The following MAEA variants were observed in gnomAD, a reference collection of about 807,000 sequenced individuals.
MAEA encodes macrophage erythroblast attacher, E3 ubiquitin ligase, also known as E3 ubiquitin-protein transferase MAEA.
MAEA carries 22 observed loss-of-function variants against 46.2 expected under a neutral mutation model. The observed-to-expected ratio is 0.48, with a 90% CI of 0.34 to 0.68. The LOEUF (loss-of-function observed/expected upper bound fraction) is 0.68. Among genes scored for constraint, MAEA ranks in the 30% least tolerant of loss-of-function variants. MAEA has a pLI of 0.01. For missense variants in MAEA, 393 were observed against 558.1 expected, an observed-to-expected ratio of 0.70 and a Z score of 2.98; for synonymous variants, 246 against 222.6, an observed-to-expected ratio of 1.11 and a Z score of -0.94.
At chr4:1,328,745 T>G (rs1015238483) in intron 5 of MAEA, 5 of 1,214,282 alleles carry the variant, frequency 4.1e-6, no homozygotes, top group Non-Finnish European at 5.3e-6. Context: ...GGCAAGTCCC[T>G]GCCCTTGCGT....
At chr4:1,302,880 C>T (rs73071929) in intron 1 of MAEA, among the ~76,000 whole-genome samples, 23,367 of 152,054 alleles carry the variant, frequency 0.15, 3,444 homozygotes, top group East Asian at 0.42. Flanking sequence ...AAATACAAAC[C>T]AAAACCACAG....
chr4:1,310,679 C>T (rs747970918), intron 1 of MAEA, among the ~76,000 whole-genome samples: 21 of 152,208 alleles, frequency 1.4e-4, no homozygotes, highest in Non-Finnish European at 2.2e-4. Context: ...TGGACGAGAG[C>T]GTGTGCACCC....
intron 7 of MAEA, 110 bp from the exon 8 acceptor site, chr4:1,338,312 C>T (rs1320870418): frequency 8.7e-6 from 7 of 805,174 alleles, no homozygotes; most frequent in East Asian, 2.5e-5. Flanking sequence ...GTCAGCATGG[C>T]GCCCACATAG....
At chr4:1,337,195 ACTCT>A in intron 7 of MAEA, 1 of 600,628 alleles carries the variant, frequency 1.7e-6, no homozygotes, top group Non-Finnish European at 2.9e-6. Flanking sequence ...TGCAGCCTTC[ACTCT>A]GGGAAGTGGC....
intron 4 of MAEA, chr4:1,323,499 G>A (rs867875358): frequency 5.7e-6 from 4 of 702,420 alleles, no homozygotes; most frequent in African/African-American, 1.7e-5. Context: ...ACTCAGGGCC[G>A]CCAAAACAAG....
Position 1,303,999 on chromosome 4 carries a change from T to A in MAEA, c.70-7980T>A, listed in dbSNP as rs571952914. 1.1e-4 allele frequency among the ~76,000 whole-genome samples: 17 copies of A among 150,158 alleles called. No individual in the cohort carries two copies. The East Asian group carries it at 3.4e-3, about 30-fold the overall frequency. On this transcript the variant is annotated intron_variant, in intron 1 of 8. Transcript: ENST00000303400. ...TGGTGTGTAGCTCTGCACACAGGAGTCGGGAGTTTTTAGTCCAGGTCCATA... is the reference window on the plus strand; with the variant it reads ...TGGTGTGTAGCTCTGCACACAGGAGACGGGAGTTTTTAGTCCAGGTCCATA...
chr4:1,329,296 T>G, intron 5 of MAEA: 1 of 983,212 alleles, frequency 1.0e-6, no homozygotes, highest in Non-Finnish European at 1.2e-6. Context: ...AGGGTCTCTT[T>G]GCCTGTGTTC....
chr4:1,327,499 C>T (rs543292685), intron 4 of MAEA, 128 bp from the exon 5 acceptor site: 28 of 745,334 alleles, frequency 3.8e-5, no homozygotes, highest in East Asian at 9.9e-5. Context: ...CTGCCTTCCC[C>T]GTGCCTGTGA....
chr4:1,323,719 G>A (rs1341237159), intron 4 of MAEA: 4 of 669,594 alleles, frequency 6.0e-6, no homozygotes, highest in Non-Finnish European at 1.1e-5. Flanking sequence ...GTGGATGTCA[G>A]AGGGAAGATA....
intron 1 of MAEA, among the ~76,000 whole-genome samples, chr4:1,298,757 A>G (rs183869432): frequency 6.6e-6 from 1 of 152,306 alleles, no homozygotes; most frequent in African/African-American, 2.4e-5. Flanking sequence ...GTGGACTGAT[A>G]GGACCCTCTG....
At chr4:1,309,637 A>G in intron 1 of MAEA, 1 of 1,530,186 alleles carries the variant, frequency 6.5e-7, no homozygotes, top group African/African-American at 1.4e-5. Flanking sequence ...CCTGAGGAGT[A>G]AGCGGCTGGA....
At chr4:1,310,002 C>G in intron 1 of MAEA, 1 of 1,220,040 alleles carries the variant, frequency 8.2e-7, no homozygotes, top group Non-Finnish European at 1.0e-6. Context: ...TGCTGGTGTG[C>G]GGATGCTGTG....
chr4:1,325,628 G>A lies in MAEA; in HGVS notation c.580-1999G>A, dbSNP rs1435019968. On this transcript the variant is annotated intron_variant, in intron 4 of 8. Coordinates refer to ENST00000303400, the MANE Select transcript of MAEA (RefSeq NM_001017405.3). Reference sequence around the variant, plus strand: ...GCCTTTAGACAGAGCCCCGGCACTCGCCTGCTCTAGACACGGCAGCCATCA... The same window carrying A: ...GCCTTTAGACAGAGCCCCGGCACTCACCTGCTCTAGACACGGCAGCCATCA... Among the ~76,000 whole-genome samples the A allele has an allele frequency of 3.9e-5, 6 of 152,282 alleles. No individual in the cohort carries two copies. The South Asian group carries it at 1.0e-3, about 26-fold the overall frequency.
Position 1,337,116 on chromosome 4 carries a change from C to G in MAEA, c.899+122C>G, listed in dbSNP as rs895727286. ...CCCACCACAGACAGCCCCGAGCTCCCGTGTGCTGCACTTGCGTGGTGTCTG... is the reference window on the plus strand; with the variant it reads ...CCCACCACAGACAGCCCCGAGCTCCGGTGTGCTGCACTTGCGTGGTGTCTG... On this transcript the variant is annotated intron_variant, in intron 7 of 8. Transcript: ENST00000303400. 4 of 1,247,636 alleles carry G rather than the reference C, an allele frequency of 3.2e-6. No individual in the cohort carries two copies. In the Admixed American group the frequency reaches 5.8e-5, roughly 18 times the overall value. The allele number at this position is 1,247,636 out of a possible 1,614,324, so 77.3% of individuals were successfully genotyped here. A position where few individuals can be genotyped will look rare whatever the true frequency, so the allele number is the denominator to read the frequency against.
chr4:1,290,774 C>T lies in MAEA; in HGVS notation c.69+792C>T, dbSNP rs149318018. Among the ~76,000 whole-genome samples the T allele has an allele frequency of 3.9e-3, 593 of 152,296 alleles. 6 individuals carry two copies. Among genetic ancestry groups the T allele is most frequent in the African/African-American group, 0.014 (568 of 41,574 alleles). On this transcript the variant is annotated intron_variant, in intron 1 of 8. Transcript: ENST00000303400. ...CCTGGTGTTCACGTCCGTCTGAGGA[C>T]GGACGGTGTGGCGACAGGTGTGGAG...
intron 5 of MAEA, chr4:1,332,340 C>T (rs377010078): frequency 6.3e-6 from 1 of 159,898 alleles, no homozygotes; most frequent in Non-Finnish European, 1.4e-5. Context: ...ATCCCAGCCC[C>T]ACCCAGCAGG....
Position 1,334,611 on chromosome 4 carries a change from G to A in MAEA, c.765+1746G>A, listed in dbSNP as rs1441379500. Reference sequence around the variant, plus strand: ...CGGGTGGAGCATGCACCTCTCACCGGACGCAGCCCTGCAGTGTGGTAAAGA... The same window carrying A: ...CGGGTGGAGCATGCACCTCTCACCGAACGCAGCCCTGCAGTGTGGTAAAGA... On this transcript the variant is annotated intron_variant, in intron 6 of 8. Coordinates refer to ENST00000303400, the MANE Select transcript of MAEA (RefSeq NM_001017405.3). 2.0e-5 allele frequency among the ~76,000 whole-genome samples: 3 copies of A among 152,250 alleles called. No individual in the cohort carries two copies. In the East Asian group the frequency reaches 5.8e-4, roughly 29 times the overall value.
At chr4:1,319,323 A>T (rs998035885) in intron 3 of MAEA, among the ~76,000 whole-genome samples, 2 of 152,088 alleles carry the variant, frequency 1.3e-5, no homozygotes, top group Non-Finnish European at 2.9e-5. Flanking sequence ...ACTGCACTCC[A>T]GCCTGGGCAA....
chr4:1,326,235 G>A (rs28429103), intron 4 of MAEA, among the ~76,000 whole-genome samples: 21,083 of 152,242 alleles, frequency 0.14, 1,734 homozygotes, highest in African/African-American at 0.22. Context: ...GCAGTGGTCC[G>A]GGGTGGATTC....
Sources: allele counts gnomAD v4.1 joint callset (sites outside exome capture counted in the v4.1 genomes callset), GRCh38; gene constraint gnomAD v4.1.1; transcripts MANE v1.5; gene names NCBI Gene and HGNC (gene_info 2026-07-23, HGNC 2026-07-21).